The following FNIP1 variants were observed in gnomAD, a reference collection of about 807,000 sequenced individuals.
The protein encoded by FNIP1 is folliculin-interacting protein 1.
FNIP1 carries 40 observed loss-of-function variants against 124.5 expected under a neutral mutation model. The observed-to-expected ratio is 0.32, with a 90% confidence interval of 0.25 to 0.42. The LOEUF is 0.42. FNIP1 is among the 10% of genes least tolerant of loss of function. The probability of loss-of-function intolerance (pLI) is 1.00; values close to 1 mark genes in which losing one functional copy is unlikely to be tolerated. For synonymous variants in FNIP1, 472 were observed against 470.6 expected, an observed-to-expected ratio of 1.00 and a Z score of -0.04; for missense variants, 1,176 against 1,403.7, an observed-to-expected ratio of 0.84 and a Z score of 2.59.
intron 16 of FNIP1, among the ~76,000 whole-genome samples, chr5:131,650,372 G>A (rs1269883033): frequency 6.6e-6 from 1 of 151,988 alleles, no homozygotes; most frequent in Non-Finnish European, 1.5e-5. Flanking sequence ...ATTCTTTTTG[G>A]TGCTATTGTA....
chr5:131,748,171 T>C (rs1291754722), intron 1 of FNIP1, among the ~76,000 whole-genome samples: 4 of 152,132 alleles, frequency 2.6e-5, no homozygotes, highest in Admixed American at 2.6e-4. Context: ...TCATACACCA[T>C]ATAACGTTTT....
rs199726491 is a variant in FNIP1, at chr5:131,671,954, T to G, written c.2490A>C (p.Glu830Asp). ...AATATTCGTCGAATAAGCTCATGCT[T>G]TCTGGGTCTGAATGATTCCAACAGG... Reference protein sequence around the residue: ...ELPCWNHSDPESMSLFDEYFN... With the variant: ...ELPCWNHSDPDSMSLFDEYFN... The change falls in exon 14 of 18, where the codon GAA becomes GAC. Residue 830 changes from glutamate to aspartate, a missense_variant. Around this residue, in one of 2 missense-constraint regions of FNIP1, gnomAD observed 1,109 missense variants for 1,288.5 expected, o/e 0.86. Coordinates refer to ENST00000510461, the MANE Select transcript of FNIP1 (RefSeq NM_133372.3). The G allele has an allele frequency of 3.7e-5, 59 of 1,614,224 alleles. No individual in the cohort carries two copies. Among genetic ancestry groups the G allele is most frequent in the Non-Finnish European group, 5.0e-5 (59 of 1,180,034 alleles).
chr5:131,791,220 CAAAT>C (rs1772397211), intron 1 of FNIP1, among the ~76,000 whole-genome samples: 1 of 152,082 alleles, frequency 6.6e-6, no homozygotes, highest in African/African-American at 2.4e-5. Flanking sequence ...GTTATTCCAG[CAAAT>C]AAATGCATAA....
intron 1 of FNIP1, among the ~76,000 whole-genome samples, chr5:131,757,028 G>T (rs138492533): frequency 6.6e-6 from 1 of 152,192 alleles, no homozygotes; most frequent in Non-Finnish European, 1.5e-5. Flanking sequence ...AAGGAGCAAG[G>T]CTGTTAAGAG....
intron 15 of FNIP1, among the ~76,000 whole-genome samples, chr5:131,658,347 A>T (rs1250139175): frequency 6.6e-6 from 1 of 152,194 alleles, no homozygotes; most frequent in Admixed American, 6.5e-5. Flanking sequence ...AACTAAGCTA[A>T]CCCAAAACCC....
chr5:131,734,277 C>G (rs1159134695), intron 2 of FNIP1, among the ~76,000 whole-genome samples: 1 of 152,156 alleles, frequency 6.6e-6, no homozygotes, highest in Non-Finnish European at 1.5e-5. Flanking sequence ...AAAAAACCAG[C>G]TCCTGGATTC....
At chr5:131,647,392 A>G (rs1422292574) in intron 16 of FNIP1, among the ~76,000 whole-genome samples, 187 bp from the exon 17 acceptor site, 1 of 149,916 alleles carries the variant, frequency 6.7e-6, no homozygotes, top group East Asian at 1.9e-4. Context: ...TCTGGCTCAT[A>G]TCAAAGATTA....
intron 1 of FNIP1, among the ~76,000 whole-genome samples, chr5:131,788,462 C>T (rs931928327): frequency 1.3e-5 from 2 of 151,936 alleles, no homozygotes; most frequent in Non-Finnish European, 2.9e-5. Context: ...TGAGGTCAGG[C>T]GTTTGAGATC....
chr5:131,768,586 G>A (rs1351682817), intron 1 of FNIP1, among the ~76,000 whole-genome samples: 1 of 152,030 alleles, frequency 6.6e-6, no homozygotes, highest in Non-Finnish European at 1.5e-5. Context: ...GATGCGGTTG[G>A]ACCACCTGAG....
intron 11 of FNIP1, among the ~76,000 whole-genome samples, chr5:131,690,748 G>C (rs186901415): frequency 6.6e-6 from 1 of 152,156 alleles, no homozygotes; most frequent in African/African-American, 2.4e-5. Flanking sequence ...GGTCAGAACA[G>C]TGAAAATTAT....
chr5:131,675,391 C>T (rs1767880652), intron 13 of FNIP1, among the ~76,000 whole-genome samples: 1 of 152,156 alleles, frequency 6.6e-6, no homozygotes, highest in Non-Finnish European at 1.5e-5. Flanking sequence ...AATCATTCAT[C>T]TTTACAGCCT....
chr5:131,739,772 C>T (rs929852517), intron 2 of FNIP1, among the ~76,000 whole-genome samples: 3 of 144,962 alleles, frequency 2.1e-5, no homozygotes, highest in African/African-American at 5.2e-5. Context: ...GAGATTGCGC[C>T]GCTGCTCTCC....
Position 131,679,103 on chromosome 5 carries a change from A to G in FNIP1, c.1275T>C (p.Thr425=). 1 of 1,608,758 alleles carries G rather than the reference A, an allele frequency of 6.2e-7. No homozygotes were observed. The highest frequency in any genetic ancestry group is 1.3e-5 in the African/African-American group (1 of 74,938). The change falls in exon 12 of 18, where the codon ACT becomes ACC. Residue 425 remains threonine, a synonymous_variant. Coordinates refer to ENST00000510461, the MANE Select transcript of FNIP1 (RefSeq NM_133372.3). The stretch of plus-strand genomic sequence containing the variant: ...GATAGCAAAGGTGGTTCTTTTCTGG[A>G]GTCCCCGACATCATTGTAAGCCAGA... ...EPVWLTMMSG[T]PEKNHLCYRF...
At chr5:131,758,153 T>C (rs547929013) in intron 1 of FNIP1, among the ~76,000 whole-genome samples, 1 of 152,214 alleles carries the variant, frequency 6.6e-6, no homozygotes, top group Non-Finnish European at 1.5e-5. Context: ...CAACAAACAA[T>C]CACAACAGAG....
chr5:131,720,016 A>G (rs1352384978), intron 3 of FNIP1, among the ~76,000 whole-genome samples: 1 of 152,194 alleles, frequency 6.6e-6, no homozygotes, highest in African/African-American at 2.4e-5. Context: ...GAAGACCACA[A>G]CCTTCTTCTT....
At chr5:131,765,059 C>CA (rs989447448) in intron 1 of FNIP1, among the ~76,000 whole-genome samples, 1 of 151,922 alleles carries the variant, frequency 6.6e-6, no homozygotes, top group African/African-American at 2.4e-5. Context: ...CCTGCCTCTA[C>CA]AAAAAATGAA....
chr5:131,730,141 A>T (rs375995258), intron 3 of FNIP1, among the ~76,000 whole-genome samples: 1 of 152,172 alleles, frequency 6.6e-6, no homozygotes, highest in African/African-American at 2.4e-5. Context: ...TGGATTTGTT[A>T]AGGTATCATG....
chr5:131,677,302 G>T (rs1186353007), intron 13 of FNIP1, among the ~76,000 whole-genome samples: 1 of 152,184 alleles, frequency 6.6e-6, no homozygotes, highest in Non-Finnish European at 1.5e-5. Context: ...AAATGACTCA[G>T]CAAGTGAACA....
intron 17 of FNIP1, among the ~76,000 whole-genome samples, chr5:131,645,454 C>T (rs1766854328): frequency 6.6e-6 from 1 of 152,054 alleles, no homozygotes; most frequent in African/African-American, 2.4e-5. Context: ...AAATGGCCAA[C>T]CAACATAGAA....
Sources: gnomAD v4.1 joint callset for allele counts (sites outside exome capture counted in the v4.1 genomes callset) on GRCh38, gnomAD v4.1.1 for gene constraint, gnomAD v4.1.1 regional missense constraint, MANE v1.5 for transcripts, NCBI Gene and HGNC (gene_info 2026-07-23, HGNC 2026-07-21) for gene names.